Variants in TCTN2 observed in about 807,000 individuals in gnomAD.
The protein encoded by TCTN2 is tectonic-2.
In TCTN2, 66 loss-of-function variants were observed where a neutral mutation model predicts 83.4. The ratio of observed to expected loss-of-function variants is 0.79; its 90% CI spans 0.65 to 0.97. The LOEUF (loss-of-function observed/expected upper bound fraction) is 0.97. TCTN2 is among the 50% of genes least tolerant of loss of function. The pLI is 0.00. For missense variants in TCTN2, 794 were observed against 858.1 expected (o/e 0.93, Z 0.93); for synonymous variants, 301 against 326.7 (o/e 0.92, Z 0.85).
intron 7 of TCTN2, among the ~76,000 whole-genome samples, chr12:123,689,822 C>T (rs1956020442): frequency 6.6e-6 from 1 of 152,080 alleles, no homozygotes; most frequent in Non-Finnish European, 1.5e-5. Flanking sequence ...GAATGAATGA[C>T]AGGGTCTTGC....
At chr12:123,687,190 T>C (rs1955982513) in intron 6 of TCTN2, among the ~76,000 whole-genome samples, 155 bp downstream of exon 6, 1 of 152,192 alleles carries the variant, frequency 6.6e-6, no homozygotes, top group Non-Finnish European at 1.5e-5. Context: ...AGTTAGCCAA[T>C]TTATTTTGCA....
In TCTN2 at chr12:123,679,205, T is replaced by C. The variant is rs1370163543; in HGVS notation, c.480T>C (p.Ile160=). The C allele has an allele frequency of 6.2e-7, 1 of 1,613,992 alleles. No individual in the cohort carries two copies. The change falls in exon 5 of 18, where the codon ATT becomes ATC. Residue 160 remains isoleucine, a synonymous_variant. Transcript: ENST00000303372. The part of the protein sequence containing the change: ...THNASENVTV[I]PNQVYQPLGP... ...ACTTTTCAGAGAACGTGACTGTCAT[T>C]CCTAACCAGGTGTATCAGCCCCTTG...
In TCTN2 at chr12:123,688,025, A is replaced by G. The variant is rs762893733; in HGVS notation, c.765-26A>G. The G allele has an allele frequency of 6.8e-6, 11 of 1,613,070 alleles. No individual in the cohort carries two copies. The East Asian group carries it at 2.5e-4, about 36-fold the overall frequency. ...TGTGTTTTAGCAGATAACTGAAACT[A>G]TTCAGCCTTTCTTATTGATTTTCAG... On this transcript the variant is annotated intron_variant, in intron 6 of 17. Transcript: ENST00000303372.
At chr12:123,677,007 G>A (rs931572838) in intron 4 of TCTN2, among the ~76,000 whole-genome samples, 5 of 152,032 alleles carry the variant, frequency 3.3e-5, no homozygotes, top group African/African-American at 1.2e-4. Flanking sequence ...GTGAGACCCT[G>A]TCTTTACAGA....
chr12:123,700,293 A>C, intron 14 of TCTN2: 1 of 276,316 alleles, frequency 3.6e-6, no homozygotes. Flanking sequence ...TGTTGGGATT[A>C]CAGGCATGAG....
rs1318984478 is a variant in TCTN2 at position 123,672,102 on chromosome 12, A to G, written c.237A>G (p.Glu79=). Residue 79 remains glutamate (E), a synonymous_variant, in exon 3 of 18, where the codon GAA becomes GAG. Transcript: ENST00000303372. The part of the protein sequence containing the change: ...PTCGVLNNET[E]DWSVTVIPGA... The stretch of plus-strand genomic sequence containing the variant: ...GTGGAGTGCTGAACAATGAGACGGA[A>G]GACTGGAGCGTGACTGTGATCCCCG... 1 of 1,614,186 alleles carries G rather than the reference A, an allele frequency of 6.2e-7. No homozygotes were observed. The highest frequency in any genetic ancestry group is 2.2e-5 in the East Asian group (1 of 44,884).
Position 123,707,902 on chromosome 12 carries a change from G to A in TCTN2, c.*189G>A. On this transcript the variant is annotated 3_prime_UTR_variant, in exon 18 of 18. Transcript: ENST00000303372. ...ATTTTGTATTTTTAGTAGAGACAGG[G>A]TTCCACCGTATTGGCCAGGCTGCTC... is the stretch of plus-strand genomic sequence containing the variant. 1.6e-6 allele frequency: 1 copy of A among 607,336 alleles called. No homozygotes were observed. Among genetic ancestry groups the A allele is most frequent in the African/African-American group, 1.8e-5 (1 of 54,130 alleles). The allele number at this position is 607,336 out of a possible 1,614,324, so 37.6% of individuals were successfully genotyped here. A position where few individuals can be genotyped will look rare whatever the true frequency, so the allele number is the denominator to read the frequency against.
rs201010803 is a variant in TCTN2 at position 123,704,670 on chromosome 12, T to C, written c.1751T>C (p.Ile584Thr). The change falls in exon 15 of 18, where the codon ATA becomes ACA. Residue 584 changes from isoleucine to threonine, a missense_variant. Transcript: ENST00000303372. ...GAVEGITQQEILGVETRFSSV... is the reference protein window; with the variant it reads ...GAVEGITQQETLGVETRFSSV... ...GTGGAAGGGATTACTCAGCAGGAGA[T>C]ACTCGGTGTAGAGACAAGGTATGAT... is the stretch of plus-strand genomic sequence containing the variant. The C allele has an allele frequency of 6.2e-7, 1 of 1,613,630 alleles. No homozygotes were observed. The highest frequency in any genetic ancestry group is 1.7e-5 in the Admixed American group (1 of 59,890).
chr12:123,692,418 AG>A (rs1158370804), intron 8 of TCTN2, among the ~76,000 whole-genome samples: 4 of 152,170 alleles, frequency 2.6e-5, no homozygotes, highest in African/African-American at 9.7e-5. Flanking sequence ...TTTATGTCAC[AG>A]TGACCCTGGT....
At chr12:123,682,362 G>A (rs1462134856) in intron 5 of TCTN2, among the ~76,000 whole-genome samples, 2 of 152,176 alleles carry the variant, frequency 1.3e-5, no homozygotes, top group African/African-American at 4.8e-5. Flanking sequence ...ATCTTTTTTG[G>A]AGAAATGTCT....
chr12:123,696,222 A>C (rs1290066910), intron 11 of TCTN2, 193 bp from the exon 12 acceptor site: 7 of 607,486 alleles, frequency 1.2e-5, no homozygotes, highest in Non-Finnish European at 1.8e-5. Context: ...AGTTGCTGTA[A>C]ATGTGAAGCA....
intron 15 of TCTN2, among the ~76,000 whole-genome samples, chr12:123,706,238 G>A (rs1297407684): frequency 6.6e-6 from 1 of 152,216 alleles, no homozygotes; most frequent in African/African-American, 2.4e-5. Context: ...GAAATGGAGA[G>A]TGGTGGCTCT....
chr12:123,702,679 A>G (rs1956186690), intron 14 of TCTN2, among the ~76,000 whole-genome samples: 1 of 152,186 alleles, frequency 6.6e-6, no homozygotes, highest in South Asian at 2.1e-4. Context: ...GGCCAGCTAG[A>G]TAGGCTGTGG....
chr12:123,691,964 G>A (rs1338840413), intron 8 of TCTN2, among the ~76,000 whole-genome samples: 2 of 151,780 alleles, frequency 1.3e-5, no homozygotes, highest in African/African-American at 2.4e-5. Context: ...GCGCGATCTC[G>A]GCTCACGGCA....
At chr12:123,685,651 T>A (rs1955955331) in intron 5 of TCTN2, among the ~76,000 whole-genome samples, 1 of 151,764 alleles carries the variant, frequency 6.6e-6, no homozygotes, top group Non-Finnish European at 1.5e-5. Flanking sequence ...ACTCCTGACC[T>A]TAGGTGATCC....
chr12:123,686,744 C>T (rs971838754), intron 5 of TCTN2, 92 bp from the exon 6 acceptor site: 5 of 1,239,596 alleles, frequency 4.0e-6, no homozygotes, highest in Admixed American at 1.7e-5. Flanking sequence ...TTGGTAGTGT[C>T]CTGCTGGCCT....
chr12:123,674,563 C>T (rs750986113), intron 4 of TCTN2, among the ~76,000 whole-genome samples: 6 of 151,966 alleles, frequency 3.9e-5, no homozygotes, highest in African/African-American at 1.4e-4. Context: ...CCACTGTGCT[C>T]GGCACGTGCA....
At chr12:123,671,977 C>A in intron 2 of TCTN2, 79 bp from the exon 3 acceptor site, 1 of 1,165,128 alleles carries the variant, frequency 8.6e-7, no homozygotes, top group Non-Finnish European at 1.3e-6. Context: ...AATGTGAGTC[C>A]ATCCTAGGCA....
Position 123,696,691 on chromosome 12 carries a change from G to A in TCTN2, c.1393+196G>A, listed in dbSNP as rs1026741158. ...CTTTTTAAAAAGGAATGCTAACATT[G>A]TTTGCACCTGAAGTGCTGGTTGCTA... On this transcript the variant is annotated intron_variant, in intron 12 of 17. Transcript: ENST00000303372. The A allele has an allele frequency of 3.0e-5, 19 of 626,106 alleles. No homozygotes were observed. The African/African-American group carries it at 3.3e-4, about 11-fold the overall frequency. The allele number at this position is 626,106 out of a possible 1,614,324, so 38.8% of individuals were successfully genotyped here. A position where few individuals can be genotyped will look rare whatever the true frequency, so the allele number is the denominator to read the frequency against.
Sources: allele counts gnomAD v4.1 joint callset (sites outside exome capture counted in the v4.1 genomes callset), GRCh38; gene constraint gnomAD v4.1.1; transcripts MANE v1.5; gene names NCBI Gene and HGNC (gene_info 2026-07-23, HGNC 2026-07-21).